Variants in HHIPL1 observed in about 807,000 individuals in gnomAD.
The protein encoded by HHIPL1 is HHIP-like protein 1.
A neutral mutation model predicts 61.8 loss-of-function variants in HHIPL1; 43 were observed. The ratio of observed to expected loss-of-function variants is 0.70; its 90% CI spans 0.55 to 0.90. The LOEUF is 0.90. Among genes scored for constraint, HHIPL1 ranks in the 40% least tolerant of loss-of-function variants. The probability of loss-of-function intolerance (pLI) is 0.00; values close to 1 mark genes in which losing one functional copy is unlikely to be tolerated. For missense variants in HHIPL1, 1,056 were observed against 1,157.7 expected (o/e 0.91, Z 1.28); for synonymous variants, 482 against 515.8 (o/e 0.93, Z 0.89).
the HHIPL1 span, among the ~76,000 whole-genome samples, chr14:99,611,755 C>G: frequency 6.7e-6 from 1 of 148,390 alleles, no homozygotes; most frequent in Admixed American, 6.7e-5. Context: ...TTTTTTTTTC[C>G]TATAAGCAAT....
At position 99,660,188 on chromosome 14, in the gene HHIPL1, C is replaced by T; in HGVS notation, c.1376-92C>T. On this transcript the variant is annotated intron_variant, in intron 4 of 8. Coordinates refer to ENST00000330710, the MANE Select transcript of HHIPL1 (RefSeq NM_001127258.3). The surrounding 1 kb of genome is among the most constrained non-coding windows in gnomAD (Gnocchi z 4.9). Reference sequence around the variant, plus strand: ...GGGCACGCCCCTCCCTCCGTGGCCGCCCCACCCCCGCGGAATCCCTCCGGA... The same window carrying T: ...GGGCACGCCCCTCCCTCCGTGGCCGTCCCACCCCCGCGGAATCCCTCCGGA... 1 of 1,511,830 alleles carries T rather than the reference C, an allele frequency of 6.6e-7. No individual in the cohort carries two copies. The highest frequency in any genetic ancestry group is 2.4e-5 in the East Asian group (1 of 41,856). 93.7% of individuals were successfully genotyped at this position (1,511,830 alleles called of 1,614,324 possible). A position where few individuals can be genotyped will look rare whatever the true frequency, so the allele number is the denominator to read the frequency against.
At chr14:99,667,104 T>A (rs1239703666) in intron 6 of HHIPL1, among the ~76,000 whole-genome samples, 1 of 151,680 alleles carries the variant, frequency 6.6e-6, no homozygotes, top group African/African-American at 2.4e-5. Context: ...CTGCCCCCAG[T>A]CCAGCTGAGC....
chr14:99,606,446 C>G, the HHIPL1 span, among the ~76,000 whole-genome samples: 1 of 152,194 alleles, frequency 6.6e-6, no homozygotes, highest in Non-Finnish European at 1.5e-5. Flanking sequence ...GAGATCGAAG[C>G]GTAAACGTTG....
At position 99,650,235 on chromosome 14, in the gene HHIPL1, TC is replaced by T. The variant is rs532094741; in HGVS notation, c.256-1984del. ...GCCTGCCATCCCCCATCCCCAATCCTCCCCCAAACGTCCCAGAGGCCTCTTG... is the reference window on the plus strand; with the variant it reads ...GCCTGCCATCCCCCATCCCCAATCCTCCCCAAACGTCCCAGAGGCCTCTTG... On this transcript the variant is annotated intron_variant, in intron 1 of 8. Transcript: ENST00000330710. Among the ~76,000 whole-genome samples, 7 of 151,934 alleles carry T rather than the reference TC, an allele frequency of 4.6e-5. No homozygotes were observed. In the South Asian group the frequency reaches 1.5e-3, roughly 32 times the overall value.
the HHIPL1 span, among the ~76,000 whole-genome samples, chr14:99,606,470 A>C: frequency 6.6e-5 from 10 of 151,284 alleles, no homozygotes; most frequent in Admixed American, 6.5e-4. Flanking sequence ...ACACCATAGG[A>C]AAAACCCACC....
chr14:99,637,117 AAG>A, the HHIPL1 span, among the ~76,000 whole-genome samples: 37 of 143,536 alleles, frequency 2.6e-4, 2 homozygotes, highest in African/African-American at 8.6e-4. Context: ...GAAAGAAAGA[AAG>A]AAAAGAAAGA....
intron 8 of HHIPL1, among the ~76,000 whole-genome samples, chr14:99,672,815 C>T (rs1351371734): frequency 6.6e-6 from 1 of 152,178 alleles, no homozygotes; most frequent in East Asian, 1.9e-4. Flanking sequence ...CAAATGACTG[C>T]CCATGGGGCC....
At position 99,662,915 on chromosome 14, in the gene HHIPL1, G is replaced by T; in HGVS notation, c.1542G>T (p.Gln514His). ...TCCAAGAGAACCCAGGGACAGGCCA[G>T]TGGCAGTACAGTGAGATCTGCATGG... ...MSLQENPGTG[Q>H]WQYSEICMGH... Residue 514 changes from glutamine to histidine, a missense_variant, in exon 6 of 9, where the codon CAG (glutamine) becomes CAT (histidine). By Grantham distance (24) the Gln-to-His change is conservative (BLOSUM62 0). Transcript: ENST00000330710. 6.2e-7 allele frequency: 1 copy of T among 1,613,380 alleles called. No homozygotes were observed. The highest frequency in any genetic ancestry group is 8.5e-7 in the Non-Finnish European group (1 of 1,179,750).
chr14:99,656,874 AGG>A (rs557989031), intron 2 of HHIPL1, 124 bp from the exon 3 acceptor site: 457 of 32,796 alleles, frequency 0.014, 112 homozygotes, highest in Middle Eastern at 0.035. Context: ...GAAGGAAGGA[AGG>A]AAGGAAGGAA....
Position 99,668,971 on chromosome 14 carries a change from G to A in HHIPL1, c.1730+668G>A, listed in dbSNP as rs2056294411. 6.3e-7 allele frequency: 1 copy of A among 1,580,030 alleles called. No homozygotes were observed. Among genetic ancestry groups the A allele is most frequent in the Non-Finnish European group, 8.6e-7 (1 of 1,160,438 alleles). On this transcript the variant is annotated intron_variant, in intron 7 of 8. Coordinates refer to ENST00000330710, the MANE Select transcript of HHIPL1 (RefSeq NM_001127258.3). This position sits in a 1 kb window ranked among gnomAD's most constrained non-coding sequence, Gnocchi z 4.7. ...CATGGGCCTGGGGCCCAGGGCCAGGGTGGGGCCCAGGCCACTGGCTCCAGA... is the reference window on the plus strand; with the variant it reads ...CATGGGCCTGGGGCCCAGGGCCAGGATGGGGCCCAGGCCACTGGCTCCAGA...
chr14:99,663,322 G>T (rs536116040), intron 6 of HHIPL1, among the ~76,000 whole-genome samples: 37 of 152,306 alleles, frequency 2.4e-4, no homozygotes, highest in African/African-American at 8.4e-4. Context: ...CAGTCCCGAG[G>T]GCTGCTGGTT....
intron 1 of HHIPL1, among the ~76,000 whole-genome samples, chr14:99,651,554 C>T (rs779271729): frequency 6.6e-6 from 1 of 152,162 alleles, no homozygotes; most frequent in Admixed American, 6.5e-5. Context: ...CTAAACCATG[C>T]GTGAGAACTC....
At chr14:99,616,582 T>A in the HHIPL1 span, among the ~76,000 whole-genome samples, 2 of 152,130 alleles carry the variant, frequency 1.3e-5, no homozygotes, top group Non-Finnish European at 2.9e-5. Context: ...TAGAGAAAAG[T>A]TGCAGAATCA....
At chr14:99,633,393 C>T in the HHIPL1 span, among the ~76,000 whole-genome samples, 2 of 152,204 alleles carry the variant, frequency 1.3e-5, no homozygotes, top group African/African-American at 4.8e-5. Flanking sequence ...GGCAGACCCC[C>T]ACAGAGGAAC....
the HHIPL1 span, among the ~76,000 whole-genome samples, chr14:99,637,390 G>C: frequency 6.6e-6 from 1 of 151,878 alleles, no homozygotes; most frequent in African/African-American, 2.4e-5. Context: ...GGTGAAACCC[G>C]GTCTCTACTA....
the HHIPL1 span, among the ~76,000 whole-genome samples, chr14:99,611,053 C>T: frequency 6.6e-6 from 1 of 152,226 alleles, no homozygotes; most frequent in South Asian, 2.1e-4. Flanking sequence ...CCGAATTGCC[C>T]TTGGCTAAGA....
At chr14:99,640,360 C>T (rs895601589), upstream of HHIPL1, among the ~76,000 whole-genome samples, 2 of 152,164 alleles carry the variant, frequency 1.3e-5, no homozygotes, top group Non-Finnish European at 2.9e-5. Flanking sequence ...TCTTGTCTCA[C>T]CACAGCCTCA....
the HHIPL1 span, among the ~76,000 whole-genome samples, chr14:99,622,010 T>C: frequency 3.3e-3 from 496 of 152,296 alleles, 4 homozygotes; most frequent in Middle Eastern, 0.017. Flanking sequence ...CCACCGCGCC[T>C]GGCCAAAGAT....
the HHIPL1 span, among the ~76,000 whole-genome samples, chr14:99,617,439 G>A: frequency 2.6e-5 from 4 of 152,074 alleles, no homozygotes; most frequent in Admixed American, 6.6e-5. Context: ...TCAAGAAATA[G>A]CAACGTAAAC....
Sources: gnomAD v4.1 joint callset for allele counts (sites outside exome capture counted in the v4.1 genomes callset) on GRCh38, gnomAD v4.1.1 for gene constraint, Gnocchi (gnomAD v3.1) non-coding constraint, MANE v1.5 for transcripts, NCBI Gene and HGNC (gene_info 2026-07-23, HGNC 2026-07-21) for gene names.